Variants in LRCH1 observed in about 807,000 individuals in gnomAD.
LRCH1 encodes leucine-rich repeat and calponin homology domain-containing protein 1.
A neutral mutation model predicts 94.9 loss-of-function variants in LRCH1; 23 were observed. The observed-to-expected ratio is 0.24, with a 90% CI of 0.17 to 0.34. The LOEUF (loss-of-function observed/expected upper bound fraction) is 0.34, where lower values mean the gene tolerates loss of function less well. Ranked by LOEUF, LRCH1 falls within the 10% of genes least tolerant of loss-of-function variation. LRCH1 has a pLI of 1.00. For synonymous variants in LRCH1, 364 were observed against 354.9 expected (o/e 1.03, Z -0.29); for missense variants, 790 against 945.9 (o/e 0.84, Z 2.16).
chr13:46,580,151 CT>C (rs2050348824), intron 1 of LRCH1, among the ~76,000 whole-genome samples: 1 of 152,172 alleles, frequency 6.6e-6, no homozygotes, highest in African/African-American at 2.4e-5. Context: ...TAAATAAGTT[CT>C]GTTTAACTCA....
intron 1 of LRCH1, among the ~76,000 whole-genome samples, chr13:46,580,912 C>T (rs989244968): frequency 6.6e-6 from 1 of 152,150 alleles, no homozygotes; most frequent in Non-Finnish European, 1.5e-5. Flanking sequence ...TGAGCTCTTG[C>T]CTCTGTTGTT....
chr13:46,588,723 C>T (rs1222022139), intron 1 of LRCH1, among the ~76,000 whole-genome samples: 1 of 151,556 alleles, frequency 6.6e-6, no homozygotes. Context: ...GCCTTAGCCT[C>T]CCGAGTAGCT....
chr13:46,661,072 T>C (rs747164519), intron 2 of LRCH1, among the ~76,000 whole-genome samples: 19 of 152,212 alleles, frequency 1.2e-4, no homozygotes, highest in Non-Finnish European at 4.4e-5. Flanking sequence ...ACTAGTTCAG[T>C]ATCTCATTGC....
chr13:46,723,032 G>T (rs1456895680), intron 16 of LRCH1, among the ~76,000 whole-genome samples, 189 bp from the exon 17 acceptor site: 1 of 152,206 alleles, frequency 6.6e-6, no homozygotes, highest in African/African-American at 2.4e-5. Context: ...ACACAAACTA[G>T]TACAATTTAA....
chr13:46,608,013 T>C (rs1337010760), intron 1 of LRCH1, among the ~76,000 whole-genome samples: 2 of 152,122 alleles, frequency 1.3e-5, no homozygotes, highest in Non-Finnish European at 2.9e-5. Context: ...AGTTTACCGG[T>C]GATGAATCAC....
At chr13:46,668,350 A>G (rs924997283) in intron 2 of LRCH1, among the ~76,000 whole-genome samples, 3 of 152,154 alleles carry the variant, frequency 2.0e-5, no homozygotes, top group Non-Finnish European at 4.4e-5. Flanking sequence ...GCTCTGTGGA[A>G]CTAAACCCCT....
intron 2 of LRCH1, among the ~76,000 whole-genome samples, chr13:46,660,509 G>T (rs532937342): frequency 6.6e-6 from 1 of 152,266 alleles, no homozygotes; most frequent in Admixed American, 6.5e-5. Flanking sequence ...AAAGTCTTAG[G>T]ATTTACACAC....
Position 46,743,273 on chromosome 13 carries a change from C to A in LRCH1, c.*1425C>A, listed in dbSNP as rs765709231. On this transcript the variant is annotated 3_prime_UTR_variant, in exon 20 of 20. Coordinates refer to ENST00000389797, the MANE Select transcript of LRCH1 (RefSeq NM_001164211.2). The stretch of plus-strand genomic sequence containing the variant: ...CAGGGGACTTGAAAATATGGAAGAC[C>A]CACATAGTTAGAAGAATATATTTAT... 18 of 985,032 alleles carry A rather than the reference C, an allele frequency of 1.8e-5. No homozygotes were observed. The highest frequency in any genetic ancestry group is 2.2e-5 in the Non-Finnish European group (18 of 829,288). The allele number at this position is 985,032 out of a possible 1,614,324, so 61.0% of individuals were successfully genotyped here.
In LRCH1 at chr13:46,615,608, T is replaced by TAGGAA. The variant is rs1320040950; in HGVS notation, c.308-34593_308-34592insAGGAA. ...AAACCCAGCTTCGAGCTCCCTTCCATTCCTTCATCAAGATATTCATGATGG... is the reference window on the plus strand; with the variant it reads ...AAACCCAGCTTCGAGCTCCCTTCCATAGGAATCCTTCATCAAGATATTCATGATGG... On this transcript the variant is annotated intron_variant, in intron 1 of 19. Transcript: ENST00000389797. Among the ~76,000 whole-genome samples, 6 of 152,292 alleles carry TAGGAA rather than the reference T, an allele frequency of 3.9e-5. No individual in the cohort carries two copies. In the East Asian group the frequency reaches 9.6e-4, roughly 24 times the overall value.
intron 1 of LRCH1, among the ~76,000 whole-genome samples, chr13:46,588,194 C>T (rs2050455813): frequency 6.6e-6 from 1 of 152,170 alleles, no homozygotes; most frequent in African/African-American, 2.4e-5. Context: ...CAGAAGCATA[C>T]AGTTTCGCTC....
chr13:46,585,165 G>C (rs961823229), intron 1 of LRCH1, among the ~76,000 whole-genome samples: 2 of 152,162 alleles, frequency 1.3e-5, no homozygotes, highest in Non-Finnish European at 2.9e-5. Flanking sequence ...TAAGGCTTTA[G>C]AAATGAGTAG....
At chr13:46,668,412 T>C (rs1009879799) in intron 2 of LRCH1, among the ~76,000 whole-genome samples, 3 of 152,212 alleles carry the variant, frequency 2.0e-5, no homozygotes, top group Non-Finnish European at 4.4e-5. Flanking sequence ...TCTTTCTCTT[T>C]TAGTTAGCTC....
intron 1 of LRCH1, among the ~76,000 whole-genome samples, chr13:46,592,514 C>T (rs2050511866): frequency 6.6e-6 from 1 of 152,202 alleles, no homozygotes; most frequent in African/African-American, 2.4e-5. Context: ...CACTGGTTCT[C>T]TATGGCCATT....
At chr13:46,725,429 A>G (rs1872763743) in intron 17 of LRCH1, among the ~76,000 whole-genome samples, 1 of 152,218 alleles carries the variant, frequency 6.6e-6, no homozygotes, top group Non-Finnish European at 1.5e-5. Flanking sequence ...GCACATGTGT[A>G]TTGACTGTCA....
At position 46,657,692 on chromosome 13, in the gene LRCH1, A is replaced by ATTTTTTTTTTTTTTTTTT. The variant is rs55823488; in HGVS notation, c.452+7363_452+7364insTTTTTTTTTTTTTTTTTT. 1.9e-4 allele frequency among the ~76,000 whole-genome samples: 9 copies of ATTTTTTTTTTTTTTTTTT among 46,910 alleles called. 1 individual carries two copies. Among genetic ancestry groups the ATTTTTTTTTTTTTTTTTT allele is most frequent in the Admixed American group, 3.8e-4 (1 of 2,658 alleles). The allele number at this position is 46,910 out of a possible 152,430, so 30.8% of individuals were successfully genotyped here. The stretch of plus-strand genomic sequence containing the variant: ...AGACGTGCGCCACCATGCCCAGCTA[A>ATTTTTTTTTTTTTTTTTT]TTTTTTTTTTTTTTTTGGTAGAGAT... On this transcript the variant is annotated intron_variant, in intron 2 of 19. Coordinates refer to ENST00000389797, the MANE Select transcript of LRCH1 (RefSeq NM_001164211.2).
intron 4 of LRCH1, among the ~76,000 whole-genome samples, chr13:46,683,490 C>A (rs1229251570): frequency 6.6e-6 from 1 of 152,148 alleles, no homozygotes; most frequent in African/African-American, 2.4e-5. Flanking sequence ...TTGGTTTAAG[C>A]AAGCACAAAA....
intron 1 of LRCH1, among the ~76,000 whole-genome samples, chr13:46,579,143 T>G (rs991682709): frequency 2.0e-5 from 3 of 152,158 alleles, no homozygotes; most frequent in Non-Finnish European, 4.4e-5. Flanking sequence ...AAGGAATGCT[T>G]CTTTTGGAAC....
chr13:46,559,520 C>T (rs901362476), intron 1 of LRCH1, among the ~76,000 whole-genome samples: 5 of 152,176 alleles, frequency 3.3e-5, no homozygotes, highest in African/African-American at 9.7e-5. Flanking sequence ...TTCTGAATCA[C>T]GTCTAGATGG....
At chr13:46,653,835 A>C (rs1368472255) in intron 2 of LRCH1, among the ~76,000 whole-genome samples, 2 of 152,186 alleles carry the variant, frequency 1.3e-5, no homozygotes, top group African/African-American at 4.8e-5. Flanking sequence ...AGAAAGAAAG[A>C]AAGAAAGAAA....
Sources: gnomAD v4.1 joint callset for allele counts (sites outside exome capture counted in the v4.1 genomes callset) on GRCh38, gnomAD v4.1.1 for gene constraint, MANE v1.5 for transcripts, NCBI Gene and HGNC (gene_info 2026-07-23, HGNC 2026-07-21) for gene names.